MUC12: variants seen among roughly 807,000 people sequenced by gnomAD.
MUC12 encodes the protein mucin-12.
Under a neutral mutation model 230.8 loss-of-function variants are expected in MUC12, and 172 were observed. The observed-to-expected ratio is 0.75, with a 90% CI of 0.66 to 0.85. MUC12 has a LOEUF of 0.85. Ranked by LOEUF, MUC12 falls within the 40% of genes least tolerant of loss-of-function variation. The pLI, the probability that MUC12 is intolerant of heterozygous loss-of-function variation, is 0.00. For missense variants in MUC12, 3,506 were observed against 5,920.6 expected (o/e 0.59, Z 13.38); for synonymous variants, 1,259 against 2,401.9 (o/e 0.52, Z 13.91).
Position 101,003,436 on chromosome 7 carries a change from C to A in MUC12, c.12873C>A (p.Thr4291=). 1 of 1,512,892 alleles carries A rather than the reference C, an allele frequency of 6.6e-7. No individual in the cohort carries two copies. Among genetic ancestry groups the A allele is most frequent in the Non-Finnish European group, 8.8e-7 (1 of 1,138,200 alleles). The allele number at this position is 1,512,892 out of a possible 1,614,324, so 93.7% of individuals were successfully genotyped here. A position where few individuals can be genotyped will look rare whatever the true frequency, so the allele number is the denominator to read the frequency against. The stretch of plus-strand genomic sequence containing the variant: ...AAACAACACTCTTACCTGACAACAC[C>A]ACAGCCTCAGGCCTCCTTGAAGCAT... ...STETTLLPDN[T]TASGLLEAST... Residue 4291 remains threonine, a synonymous_variant, in exon 2 of 12, where the codon ACC becomes ACA. Transcript: ENST00000536621.
At chr7:100,982,495 G>A (rs867707622) in intron 1 of MUC12, among the ~76,000 whole-genome samples, 3 of 150,898 alleles carry the variant, frequency 2.0e-5, no homozygotes, top group South Asian at 2.1e-4. Flanking sequence ...GGAGTGCAGC[G>A]GCCTAATCAT....
At chr7:100,986,601 G>A (rs570498945) in intron 1 of MUC12, among the ~76,000 whole-genome samples, 1 of 152,230 alleles carries the variant, frequency 6.6e-6, no homozygotes, top group Non-Finnish European at 1.5e-5. Context: ...CCGGCCTTCC[G>A]TCTTGGTCCA....
At chr7:100,990,438 C>T (rs1253649454) in intron 1 of MUC12, 193 bp from the exon 2 acceptor site, 9 of 672,584 alleles carry the variant, frequency 1.3e-5, no homozygotes, top group Non-Finnish European at 2.2e-5. Flanking sequence ...TGCTAGTCTA[C>T]ACCATCAATA....
rs1325355926 is a variant in MUC12 at position 100,991,939 on chromosome 7, C to T, written c.1376C>T (p.Ser459Leu). ...TTVLPAGSTP[S>L]VLVGDSTPSP... Reference sequence around the variant, plus strand: ...GTCTTACCTGCCGGCTCTACACCCTCAGTTCTTGTTGGAGACTCGACGCCC... The same window carrying T: ...GTCTTACCTGCCGGCTCTACACCCTTAGTTCTTGTTGGAGACTCGACGCCC... Residue 459 changes from serine (S) to leucine (L), a missense_variant, in exon 2 of 12, where the codon TCA becomes TTA. Ser to Leu is a moderately radical substitution (Grantham distance 145). Coordinates refer to ENST00000536621, the MANE Select transcript of MUC12 (RefSeq NM_001164462.2). The T allele has an allele frequency of 2.0e-6, 3 of 1,537,934 alleles. No individual in the cohort carries two copies. The highest frequency in any genetic ancestry group is 2.4e-5 in the East Asian group (1 of 40,920).
At chr7:101,013,836 A>G (rs750354622) in intron 8 of MUC12, 77 bp from the exon 9 acceptor site, 13 of 1,435,430 alleles carry the variant, frequency 9.1e-6, no homozygotes, top group Admixed American at 2.3e-5. Context: ...TCCTGTGCTT[A>G]GGAGAGTGGG....
rs1462447312 is a variant in MUC12 at position 100,992,377 on chromosome 7, C to T, written c.1814C>T (p.Ser605Phe). ...ACAGCCTCAGGACTCCTTGAAGCAT[C>T]TATGCCCGTCCACAGCAGCACCAGA... ...NTTASGLLEA[S>F]MPVHSSTRSP... Residue 605 changes from serine to phenylalanine, a missense_variant, in exon 2 of 12, where the codon TCT becomes TTT. By Grantham distance (155) the Ser-to-Phe change is radical. Transcript: ENST00000536621. 6.5e-7 allele frequency: 1 copy of T among 1,536,678 alleles called. No individual in the cohort carries two copies. Among genetic ancestry groups the T allele is most frequent in the African/African-American group, 1.4e-5 (1 of 73,042 alleles).
chr7:101,013,454 TATCTCTATCTCA>T (rs1793870644), intron 8 of MUC12, among the ~76,000 whole-genome samples: 1 of 152,228 alleles, frequency 6.6e-6, no homozygotes, highest in African/African-American at 2.4e-5. Flanking sequence ...TCTATCTTTG[TATCTCTATCTCA>T]ATCTCTATAT....
chr7:100,978,207 G>C (rs1793060282), intron 1 of MUC12, among the ~76,000 whole-genome samples: 2 of 152,190 alleles, frequency 1.3e-5, no homozygotes. Context: ...AGTGCCTGCT[G>C]GCACTAGAAA....
rs1329653768 is a variant in MUC12, at chr7:101,017,707, C to A, written c.15966+44C>A. The A allele has an allele frequency of 2.1e-6, 3 of 1,421,894 alleles. No individual in the cohort carries two copies. The African/African-American group carries it at 4.3e-5, about 20-fold the overall frequency. 88.1% of individuals were successfully genotyped at this position (1,421,894 alleles called of 1,614,324 possible). A position where few individuals can be genotyped will look rare whatever the true frequency, so the allele number is the denominator to read the frequency against. Reference sequence around the variant, plus strand: ...GCCCCCACCCCCTGAGGCTGCTCCACTTCCTCTGGGGTTCCCTCTTCCCCC... The same window carrying A: ...GCCCCCACCCCCTGAGGCTGCTCCAATTCCTCTGGGGTTCCCTCTTCCCCC... On this transcript the variant is annotated intron_variant, in intron 11 of 11. Transcript: ENST00000536621.
At chr7:101,006,633 T>C in intron 3 of MUC12, 61 bp downstream of exon 3, 2 of 1,169,188 alleles carry the variant, frequency 1.7e-6, no homozygotes, top group South Asian at 2.6e-5. Context: ...GAAAACAGCA[T>C]GGCAGTGTTG....
At chr7:101,017,358 C>G (rs13246386) in intron 10 of MUC12, 67,644 of 529,124 alleles carry the variant, frequency 0.13, 4,913 homozygotes, top group Middle Eastern at 0.17. Flanking sequence ...GCTTCTGCTC[C>G]GCTCCCTCCT....
At chr7:100,976,644 T>C (rs1793036700) in intron 1 of MUC12, among the ~76,000 whole-genome samples, 1 of 151,972 alleles carries the variant, frequency 6.6e-6, no homozygotes, top group African/African-American at 2.4e-5. Context: ...GTTTGCTATG[T>C]GCTGGACACT....
At chr7:100,973,029 G>C (rs199943216) in intron 1 of MUC12, 2,590 of 617,650 alleles carry the variant, frequency 4.2e-3, no homozygotes, top group Middle Eastern at 0.037. Flanking sequence ...TTGCTGGGGA[G>C]AGTGTGGTGG....
intron 1 of MUC12, among the ~76,000 whole-genome samples, chr7:100,989,190 C>A (rs931698951): frequency 6.7e-6 from 1 of 150,112 alleles, no homozygotes; most frequent in South Asian, 2.1e-4. Context: ...AACCTCGCAA[C>A]CTCTGCCTCC....
rs1267145306 is a variant in MUC12, at chr7:101,005,127, G to A, written c.14564G>A (p.Ser4855Asn). The change falls in exon 2 of 12, where the codon AGC becomes AAC. Residue 4855 changes from serine (S) to asparagine (N), a missense_variant. By Grantham distance (46) the Ser-to-Asn change is conservative. Transcript: ENST00000536621. Reference sequence around the variant, plus strand: ...AGTGAGGAATCTACCACCTTCTACAGCAGCCCAGGCTCAACTGAAACCACA... The same window carrying A: ...AGTGAGGAATCTACCACCTTCTACAACAGCCCAGGCTCAACTGAAACCACA... ...GLSEESTTFY[S>N]SPGSTETTAF... 6.5e-7 allele frequency: 1 copy of A among 1,537,792 alleles called. No individual in the cohort carries two copies. Among genetic ancestry groups the A allele is most frequent in the East Asian group, 2.4e-5 (1 of 40,904 alleles).
chr7:100,992,281 T>C lies in MUC12; in HGVS notation c.1718T>C (p.Leu573Pro). Residue 573 changes from leucine to proline, a missense_variant, in exon 2 of 12, where the codon CTT (leucine) becomes CCT (proline). Physicochemically the swap from Leu to Pro is moderately conservative, Grantham distance 98. Transcript: ENST00000536621. Reference protein sequence around the residue: ...LSPGSTTASSLGPEYTTFHSR... With the variant: ...LSPGSTTASSPGPEYTTFHSR... ...CCTGGCAGTACCACAGCATCATCCC[T>C]TGGTCCAGAATATACTACCTTCCAC... is the stretch of plus-strand genomic sequence containing the variant. The C allele has an allele frequency of 6.5e-7, 1 of 1,536,832 alleles. No individual in the cohort carries two copies. The highest frequency in any genetic ancestry group is 8.7e-7 in the Non-Finnish European group (1 of 1,146,242).
intron 10 of MUC12, 131 bp downstream of exon 10, chr7:101,015,822 C>T (rs1328118154): frequency 2.9e-5 from 22 of 763,886 alleles, no homozygotes; most frequent in Non-Finnish European, 4.7e-5. Context: ...AGCCCGTTCC[C>T]TACCTGCCGC....
At chr7:100,982,843 C>T (rs1421772588) in intron 1 of MUC12, among the ~76,000 whole-genome samples, 1 of 152,090 alleles carries the variant, frequency 6.6e-6, no homozygotes, top group Non-Finnish European at 1.5e-5. Flanking sequence ...AATTGTCCTG[C>T]CTCAACCTCC....
intron 1 of MUC12, among the ~76,000 whole-genome samples, chr7:100,987,983 A>AT (rs1554466891): frequency 6.7e-6 from 1 of 149,234 alleles, no homozygotes; most frequent in East Asian, 2.0e-4. Flanking sequence ...AAAAAAAAAA[A>AT]GAAAAGAAAA....
Sources: gnomAD v4.1 joint callset for allele counts (sites outside exome capture counted in the v4.1 genomes callset) on GRCh38, gnomAD v4.1.1 for gene constraint, MANE v1.5 for transcripts, NCBI Gene and HGNC (gene_info 2026-07-23, HGNC 2026-07-21) for gene names.